Variants in SASH1 observed in about 807,000 individuals in gnomAD.
SASH1 encodes SAM and SH3 domain containing 1, also known as SAM and SH3 domain-containing protein 1.
Under a neutral mutation model 125.2 loss-of-function variants are expected in SASH1, and 44 were observed. The observed-to-expected ratio is 0.35, with a 90% CI of 0.28 to 0.45. The LOEUF (loss-of-function observed/expected upper bound fraction) is 0.45. SASH1 is among the 20% of genes least tolerant of loss of function. The pLI is 1.00. For missense variants in SASH1, 1,426 were observed against 1,614.5 expected, an observed-to-expected ratio of 0.88 and a Z score of 2.00; for synonymous variants, 639 against 649.1, an observed-to-expected ratio of 0.98 and a Z score of 0.24.
chr6:148,392,027 G>T (rs1359916997), intron 2 of SASH1, among the ~76,000 whole-genome samples: 1 of 152,206 alleles, frequency 6.6e-6, no homozygotes, highest in Admixed American at 6.5e-5. Context: ...GCTCATGCCT[G>T]TAATCCCAGC....
At chr6:148,421,920 T>A (rs956131194) in intron 2 of SASH1, among the ~76,000 whole-genome samples, 14 of 152,378 alleles carry the variant, frequency 9.2e-5, no homozygotes, top group African/African-American at 2.9e-4. Flanking sequence ...CTTTCTTGTT[T>A]ATTTATCAGC....
chr6:148,280,018 C>T (rs1186983477), intron 1 of SASH1, among the ~76,000 whole-genome samples: 1 of 113,384 alleles, frequency 8.8e-6, no homozygotes, highest in Admixed American at 1.1e-4. Context: ...CTGCAACACT[C>T]CCCCCTCCGA....
At chr6:148,379,854 G>A (rs1329766043) in intron 1 of SASH1, 1 of 453,768 alleles carries the variant, frequency 2.2e-6, no homozygotes, top group Non-Finnish European at 4.4e-6. Flanking sequence ...ATATGTTAAA[G>A]AGCTGCCATG....
At chr6:148,417,165 A>G (rs569566214) in intron 2 of SASH1, among the ~76,000 whole-genome samples, 1 of 152,322 alleles carries the variant, frequency 6.6e-6, no homozygotes, top group African/African-American at 2.4e-5. Context: ...AGAAGAAATG[A>G]AAACACACTT....
rs550019046 is a variant in SASH1 at position 148,527,678 on chromosome 6, G to A, written c.1428+82G>A. 52 of 1,363,184 alleles carry A rather than the reference G, an allele frequency of 3.8e-5. No individual in the cohort carries two copies. In the African/African-American group the frequency reaches 6.8e-4, roughly 18 times the overall value. The allele number at this position is 1,363,184 out of a possible 1,614,324, so 84.4% of individuals were successfully genotyped here. ...AATGGCCCTTCTGAGATTTTAAATG[G>A]TGCTAAATACACATACTCCTTGGCA... On this transcript the variant is annotated intron_variant, in intron 12 of 19. Coordinates refer to ENST00000367467, the MANE Select transcript of SASH1 (RefSeq NM_015278.5).
the SASH1 span, among the ~76,000 whole-genome samples, chr6:148,226,782 G>A: frequency 3.9e-5 from 6 of 152,052 alleles, 1 homozygote; most frequent in African/African-American, 1.2e-4. Context: ...TCTCTTTTCC[G>A]GTATCTTTCT....
intron 16 of SASH1, among the ~76,000 whole-genome samples, chr6:148,539,390 A>T (rs953073336): frequency 6.6e-6 from 1 of 151,870 alleles, no homozygotes; most frequent in Non-Finnish European, 1.5e-5. Context: ...GAAGTCCATT[A>T]TATCACTTTG....
At chr6:148,518,665 A>G (rs1318713312) in intron 9 of SASH1, among the ~76,000 whole-genome samples, 1 of 152,178 alleles carries the variant, frequency 6.6e-6, no homozygotes, top group African/African-American at 2.4e-5. Flanking sequence ...AATTAAAGGG[A>G]CACAGCCAGT....
At chr6:148,387,530 TC>T (rs1438544567) in intron 1 of SASH1, among the ~76,000 whole-genome samples, 4 of 147,404 alleles carry the variant, frequency 2.7e-5, no homozygotes, top group African/African-American at 1.0e-4. Flanking sequence ...TTTCTTTCTT[TC>T]TTCTTTCTTT....
chr6:148,416,302 TC>T (rs144751188), intron 2 of SASH1, among the ~76,000 whole-genome samples: 18,132 of 151,818 alleles, frequency 0.12, 1,109 homozygotes, highest in Middle Eastern at 0.21. Context: ...CAAGGTTGTT[TC>T]TTTTTTTCTT....
the SASH1 span, among the ~76,000 whole-genome samples, chr6:148,229,135 A>ACATCTC: frequency 1.7e-5 from 2 of 116,040 alleles, no homozygotes; most frequent in Non-Finnish European, 2.0e-5. Flanking sequence ...CTCCATCTCA[A>ACATCTC]AAAAAAAAAA....
intron 2 of SASH1, among the ~76,000 whole-genome samples, chr6:148,412,721 C>G (rs1227855838): frequency 6.6e-6 from 1 of 152,106 alleles, no homozygotes; most frequent in South Asian, 2.1e-4. Flanking sequence ...GAGGGATCCA[C>G]CCCCATGACC....
chr6:148,281,106 C>CTTTTT (rs34144143), intron 1 of SASH1, among the ~76,000 whole-genome samples: 5 of 69,238 alleles, frequency 7.2e-5, no homozygotes, highest in South Asian at 7.0e-4. Context: ...CCATGCCTAG[C>CTTTTT]TTTTTTTTTT....
chr6:148,422,618 A>G (rs1001625791), intron 2 of SASH1, among the ~76,000 whole-genome samples: 1 of 152,246 alleles, frequency 6.6e-6, no homozygotes, highest in Non-Finnish European at 1.5e-5. Flanking sequence ...CACTTTTGCC[A>G]TTCAATAAAT....
chr6:148,256,700 A>G, the SASH1 span, among the ~76,000 whole-genome samples: 1 of 152,190 alleles, frequency 6.6e-6, no homozygotes, highest in Non-Finnish European at 1.5e-5. Context: ...AAAGGAGTTG[A>G]CTGCAAAGAG....
the SASH1 span, among the ~76,000 whole-genome samples, chr6:148,229,133 CAAAAAAAAAAAAA>C: frequency 3.3e-5 from 2 of 60,972 alleles, no homozygotes; most frequent in Non-Finnish European, 6.1e-5. Flanking sequence ...GACTCCATCT[CAAAAAAAAAAAAA>C]AAAAAAAAAA....
At chr6:148,477,076 A>G (rs1274026336) in intron 7 of SASH1, among the ~76,000 whole-genome samples, 1 of 152,242 alleles carries the variant, frequency 6.6e-6, no homozygotes, top group South Asian at 2.1e-4. Flanking sequence ...AAAATGGATT[A>G]AAAACAAATC....
chr6:148,258,401 T>C, the SASH1 span, among the ~76,000 whole-genome samples: 1 of 152,268 alleles, frequency 6.6e-6, no homozygotes, highest in South Asian at 2.1e-4. Context: ...GATTCATAAT[T>C]CCTTTGTAGT....
Position 148,342,872 on chromosome 6 carries a change from G to A in SASH1, c.-196G>A, listed in dbSNP as rs1250718709. The A allele has an allele frequency of 2.9e-5, 7 of 239,850 alleles. No individual in the cohort carries two copies. The highest frequency in any genetic ancestry group is 3.4e-5 in the Non-Finnish European group (5 of 148,280). The allele number at this position is 239,850 out of a possible 1,614,324, so 14.9% of individuals were successfully genotyped here. ...TCTGGAGTTGTCAGTCGCGCAGCCC[G>A]TGGCCACCTAGACCCGAGGTGCGGG... On this transcript the variant is annotated 5_prime_UTR_variant, in exon 1 of 20. The change creates a new upstream start codon in the 5' untranslated region. Coordinates refer to ENST00000367467, the MANE Select transcript of SASH1 (RefSeq NM_015278.5).
Sources: allele counts gnomAD v4.1 joint callset (sites outside exome capture counted in the v4.1 genomes callset), GRCh38; gene constraint gnomAD v4.1.1; transcripts MANE v1.5; gene names NCBI Gene and HGNC (gene_info 2026-07-23, HGNC 2026-07-21).